The following DMGDH variants were observed in gnomAD, a reference collection of about 807,000 sequenced individuals.
DMGDH encodes dimethylglycine dehydrogenase.
A neutral mutation model predicts 95.2 loss-of-function variants in DMGDH; 76 were observed. The observed-to-expected ratio is 0.80, with a 90% CI of 0.66 to 0.97. The LOEUF is 0.97. DMGDH is among the 50% of genes least tolerant of loss of function. The probability of loss-of-function intolerance (pLI) is 0.00; values close to 1 mark genes in which losing one functional copy is unlikely to be tolerated. For missense variants in DMGDH, 987 were observed against 1,055.0 expected, an observed-to-expected ratio of 0.94 and a Z score of 0.89; for synonymous variants, 345 against 377.6, an observed-to-expected ratio of 0.91 and a Z score of 1.00.
At chr5:79,006,845 A>ACCTCCCC (rs1202979165) in intron 14 of DMGDH, among the ~76,000 whole-genome samples, 1 of 95,266 alleles carries the variant, frequency 1.0e-5, no homozygotes, top group Non-Finnish European at 2.3e-5. Flanking sequence ...CTCACCTGAG[A>ACCTCCCC]CCCCCCCAGT....
chr5:79,030,071 T>G (rs774219092), intron 10 of DMGDH, 37 bp from the exon 11 acceptor site: 1 of 1,572,870 alleles, frequency 6.4e-7, no homozygotes. Context: ...TAGGATGAAC[T>G]AAAAATCACA....
At chr5:79,018,776 C>T (rs1753796451) in intron 14 of DMGDH, among the ~76,000 whole-genome samples, 1 of 152,162 alleles carries the variant, frequency 6.6e-6, no homozygotes, top group Non-Finnish European at 1.5e-5. Flanking sequence ...TGAAAGCAGT[C>T]AGCTAAACTT....
intron 4 of DMGDH, among the ~76,000 whole-genome samples, chr5:79,053,231 T>C (rs1372841004): frequency 1.3e-5 from 2 of 152,170 alleles, no homozygotes; most frequent in African/African-American, 4.8e-5. Context: ...TAGCTCACTA[T>C]AACCTCAAAC....
At chr5:79,034,842 G>C (rs186455395) in intron 7 of DMGDH, among the ~76,000 whole-genome samples, 4,524 of 152,014 alleles carry the variant, frequency 0.03, 206 homozygotes, top group Admixed American at 0.13. Context: ...CGGATCACGA[G>C]GTCAGGAGAT....
chr5:79,034,832 C>T lies in DMGDH; in HGVS notation c.1194-1424G>A, dbSNP rs573114066. Reference sequence around the variant, plus strand: ...CAGCACTTTGGGAGGCCGAGACGGGCGGATCACGAGGTCAGGAGATCGAGA... The same window carrying T: ...CAGCACTTTGGGAGGCCGAGACGGGTGGATCACGAGGTCAGGAGATCGAGA... On this transcript the variant is annotated intron_variant, in intron 7 of 15. Transcript: ENST00000255189. Among the ~76,000 whole-genome samples, 183 of 151,982 alleles carry T rather than the reference C, an allele frequency of 1.2e-3. 1 individual carries two copies. Among genetic ancestry groups the T allele is most frequent in the African/African-American group, 4.1e-3 (170 of 41,412 alleles).
At chr5:79,028,704 G>T in intron 11 of DMGDH, 54 bp from the exon 12 acceptor site, 2 of 1,559,314 alleles carry the variant, frequency 1.3e-6, no homozygotes, top group Non-Finnish European at 1.8e-6. Flanking sequence ...ATGTACTTTG[G>T]TAATAAATTA....
chr5:79,057,624 C>T (rs1372034940), intron 2 of DMGDH, among the ~76,000 whole-genome samples: 3 of 152,004 alleles, frequency 2.0e-5, no homozygotes, highest in African/African-American at 7.3e-5. Flanking sequence ...ACCTGTAAGC[C>T]AAACTCTTCA....
intron 7 of DMGDH, 113 bp from the exon 8 acceptor site, chr5:79,033,521 CACACA>C: frequency 3.2e-6 from 4 of 1,266,266 alleles, no homozygotes; most frequent in Non-Finnish European, 4.6e-6. Context: ...CTAATCAGAA[CACACA>C]AGTAACATAA....
intron 4 of DMGDH, 53 bp from the exon 5 acceptor site, chr5:79,051,544 A>G: frequency 6.7e-7 from 1 of 1,494,508 alleles, no homozygotes; most frequent in Non-Finnish European, 9.2e-7. Context: ...CTTATTACTC[A>G]GTAAAAATAT....
intron 14 of DMGDH, among the ~76,000 whole-genome samples, chr5:79,022,527 G>A (rs889212211): frequency 2.6e-5 from 4 of 152,206 alleles, no homozygotes; most frequent in Non-Finnish European, 1.5e-5. Flanking sequence ...CAGGTCCTTG[G>A]GCTACAAGGA....
chr5:79,039,917 G>A (rs1754458099), intron 7 of DMGDH, among the ~76,000 whole-genome samples: 1 of 152,132 alleles, frequency 6.6e-6, no homozygotes, highest in Non-Finnish European at 1.5e-5. Flanking sequence ...CACCTGGAAA[G>A]GGCCTGGTGG....
intron 1 of DMGDH, among the ~76,000 whole-genome samples, chr5:79,068,678 G>A (rs1043105735): frequency 6.6e-6 from 1 of 152,250 alleles, no homozygotes; most frequent in Non-Finnish European, 1.5e-5. Flanking sequence ...AATGTTGAGT[G>A]ATGCTGATAA....
intron 2 of DMGDH, among the ~76,000 whole-genome samples, chr5:79,061,220 A>ACAC (rs1755198652): frequency 7.1e-6 from 1 of 141,664 alleles, no homozygotes; most frequent in Non-Finnish European, 1.5e-5. Flanking sequence ...CTCTGTCTCA[A>ACAC]ACACACACAC....
At chr5:79,069,488 G>T (rs1476087370) in intron 1 of DMGDH, 32 bp downstream of exon 1, 1 of 1,230,156 alleles carries the variant, frequency 8.1e-7, no homozygotes, top group Non-Finnish European at 1.0e-6. Context: ...CAGCCGCCCC[G>T]TCGCCTCTGA....
intron 14 of DMGDH, chr5:79,021,754 A>G (rs1753872705): frequency 7.9e-7 from 1 of 1,260,012 alleles, no homozygotes. Flanking sequence ...GGTAGTCCAT[A>G]CAAACAATAT....
chr5:79,045,504 A>T (rs1754645232), intron 5 of DMGDH, among the ~76,000 whole-genome samples: 1 of 152,210 alleles, frequency 6.6e-6, no homozygotes, highest in Non-Finnish European at 1.5e-5. Context: ...ACATCCTGTA[A>T]TCATCACATC....
intron 7 of DMGDH, among the ~76,000 whole-genome samples, chr5:79,037,982 CA>C (rs1754392164): frequency 6.6e-6 from 1 of 152,162 alleles, no homozygotes; most frequent in Non-Finnish European, 1.5e-5. Context: ...TAATATTGTT[CA>C]GATGTCAATA....
chr5:78,999,798 C>A (rs1037524494), intron 15 of DMGDH, among the ~76,000 whole-genome samples: 4 of 151,818 alleles, frequency 2.6e-5, no homozygotes, highest in East Asian at 1.9e-4. Context: ...TTGCTTTTCT[C>A]CTTTAGATCA....
At chr5:79,066,886 C>G (rs1755398197) in intron 1 of DMGDH, among the ~76,000 whole-genome samples, 1 of 152,020 alleles carries the variant, frequency 6.6e-6, no homozygotes, top group Non-Finnish European at 1.5e-5. Context: ...TGTAAATATC[C>G]TGGTCCTTAT....
Sources: gnomAD v4.1 joint callset for allele counts (sites outside exome capture counted in the v4.1 genomes callset) on GRCh38, gnomAD v4.1.1 for gene constraint, MANE v1.5 for transcripts, NCBI Gene and HGNC (gene_info 2026-07-23, HGNC 2026-07-21) for gene names.